The following SCAMP5 variants were observed in gnomAD, a reference collection of about 807,000 sequenced individuals.
The protein encoded by SCAMP5 is secretory carrier-associated membrane protein 5.
SCAMP5 carries 7 observed loss-of-function variants against 28.3 expected under a neutral mutation model. The observed-to-expected ratio is 0.25, with a 90% confidence interval of 0.14 to 0.46. The LOEUF (loss-of-function observed/expected upper bound fraction) is 0.46, where lower values mean the gene tolerates loss of function less well. Ranked by LOEUF, SCAMP5 falls within the 20% of genes least tolerant of loss-of-function variation. SCAMP5 has a pLI of 0.99. For missense variants in SCAMP5, 192 were observed against 312.5 expected (o/e 0.61, Z 2.91); for synonymous variants, 117 against 116.4 (o/e 1.00, Z -0.03).
rs2065655807 is a variant in SCAMP5, at chr15:74,996,532, G to C, written c.-49+859G>C. 6.6e-6 allele frequency among the ~76,000 whole-genome samples: 1 copy of C among 152,180 alleles called. No individual in the cohort carries two copies. Among genetic ancestry groups the C allele is most frequent in the South Asian group, 2.1e-4 (1 of 4,834 alleles). On this transcript the variant is annotated intron_variant, in intron 1 of 6. Coordinates refer to ENST00000425597, the MANE Select transcript of SCAMP5 (RefSeq NM_138967.4). This position sits in a 1 kb window ranked among gnomAD's most constrained non-coding sequence, Gnocchi z 4.1. ...AAGGGAGGCGACAGCTAGCGAATAG[G>C]AGACTTCCAGAGGTGATGGGATTTG...
chr15:75,001,164 C>T (rs1050674860), intron 1 of SCAMP5, among the ~76,000 whole-genome samples: 2 of 149,564 alleles, frequency 1.3e-5, no homozygotes, highest in Non-Finnish European at 3.0e-5. Flanking sequence ...GTCCCAGCTA[C>T]TCGGGAGGCT....
intron 1 of SCAMP5, chr15:75,007,790 C>G (rs1162046189): frequency 2.0e-5 from 3 of 152,236 alleles, no homozygotes; most frequent in Non-Finnish European, 2.9e-5. Context: ...TGGTCTTGAT[C>G]TCTTGACCTG....
At chr15:75,004,747 A>G (rs772658072) in intron 1 of SCAMP5, among the ~76,000 whole-genome samples, 2 of 151,556 alleles carry the variant, frequency 1.3e-5, no homozygotes, top group Non-Finnish European at 2.9e-5. Flanking sequence ...AAAAAAAAAG[A>G]AAGAGAGAAA....
At chr15:75,003,254 G>A (rs533411056) in intron 1 of SCAMP5, among the ~76,000 whole-genome samples, 25 of 152,086 alleles carry the variant, frequency 1.6e-4, no homozygotes, top group Non-Finnish European at 3.4e-4. Flanking sequence ...CTTACTTTTG[G>A]TCAATAAAAT....
chr15:75,018,630 T>G lies in SCAMP5; in HGVS notation c.513+95T>G. 2 of 1,085,226 alleles carry G rather than the reference T, an allele frequency of 1.8e-6. No homozygotes were observed. Among genetic ancestry groups the G allele is most frequent in the South Asian group, 2.5e-5 (2 of 80,532 alleles). The allele number at this position is 1,085,226 out of a possible 1,614,324, so 67.2% of individuals were successfully genotyped here. A position where few individuals can be genotyped will look rare whatever the true frequency, so the allele number is the denominator to read the frequency against. ...CAAGTTGCAAGAGGATCCCGAGGTC[T>G]TCCAAGGGACTCACTCTGGAATGGC... On this transcript the variant is annotated intron_variant, in intron 6 of 6. Transcript: ENST00000425597. The surrounding 1 kb of genome is among the most constrained non-coding windows in gnomAD (Gnocchi z 5.6).
At chr15:74,998,782 C>T (rs1426220412) in intron 1 of SCAMP5, among the ~76,000 whole-genome samples, 1 of 151,984 alleles carries the variant, frequency 6.6e-6, no homozygotes, top group Non-Finnish European at 1.5e-5. Flanking sequence ...TTCTCTCTGC[C>T]CTAACCTTTA....
Position 75,019,742 on chromosome 15 carries a change from A to C in SCAMP5, c.*759A>C, listed in dbSNP as rs2065890374. On this transcript the variant is annotated 3_prime_UTR_variant, in exon 7 of 7. Transcript: ENST00000425597. ...ATCTAATCTGATTTACAGTTCAAGG[A>C]AGCTGATGGGGAGCTGGGCCTTACC... The C allele has an allele frequency of 6.6e-6, 1 of 152,626 alleles. No individual in the cohort carries two copies. Among genetic ancestry groups the C allele is most frequent in the Admixed American group, 6.5e-5 (1 of 15,280 alleles). 9.5% of individuals were successfully genotyped at this position (152,626 alleles called of 1,614,324 possible).
Position 75,002,806 on chromosome 15 carries a change from A to G in SCAMP5, c.-49+7133A>G, listed in dbSNP as rs145988031. 2.9e-3 allele frequency among the ~76,000 whole-genome samples: 434 copies of G among 151,044 alleles called. 2 individuals are homozygous for G. Among genetic ancestry groups the G allele is most frequent in the African/African-American group, 1.0e-2 (409 of 41,054 alleles). ...TGAATAGGTAGTGCATTTATATATG[A>G]TTTACAGTTCACAAAGATGTTCCAA... On this transcript the variant is annotated intron_variant, in intron 1 of 6. Coordinates refer to ENST00000425597, the MANE Select transcript of SCAMP5 (RefSeq NM_138967.4).
intron 1 of SCAMP5, among the ~76,000 whole-genome samples, chr15:74,999,733 C>T (rs35116156): frequency 0.32 from 48,570 of 152,044 alleles, 10,060 homozygotes; most frequent in Non-Finnish European, 0.47. Flanking sequence ...ACCCAGGAGA[C>T]GGAGGTTGCA....
Position 75,021,111 on chromosome 15 carries a change from C to A in SCAMP5, c.*2128C>A, listed in dbSNP as rs538786699. ...TACCTCCAATCAGTTTCCTGTCCTA[C>A]CTGCCTCTTTGGCTTGGACCTATAT... On this transcript the variant is annotated 3_prime_UTR_variant, in exon 7 of 7. Transcript: ENST00000425597. 6.6e-6 allele frequency: 1 copy of A among 152,292 alleles called. No homozygotes were observed. The highest frequency in any genetic ancestry group is 1.5e-5 in the Non-Finnish European group (1 of 68,122). The allele number at this position is 152,292 out of a possible 1,614,324, so 9.4% of individuals were successfully genotyped here.
At chr15:75,009,167 C>T (rs1377005669) in intron 1 of SCAMP5, among the ~76,000 whole-genome samples, 5 of 152,060 alleles carry the variant, frequency 3.3e-5, no homozygotes, top group South Asian at 2.1e-4. Context: ...AAAATAGCTG[C>T]GGAACAGTCC....
chr15:75,013,835 AT>A (rs2065835575), intron 3 of SCAMP5, among the ~76,000 whole-genome samples: 1 of 152,202 alleles, frequency 6.6e-6, no homozygotes. Flanking sequence ...CTCTAAAAAA[AT>A]AATTAAATAA....
chr15:75,003,444 CA>C (rs2065727934), intron 1 of SCAMP5, among the ~76,000 whole-genome samples: 1 of 152,058 alleles, frequency 6.6e-6, no homozygotes, highest in Non-Finnish European at 1.5e-5. Context: ...CATATATTGT[CA>C]AATACAGATA....
rs2065884644 is a variant in SCAMP5 at position 75,019,101 on chromosome 15, G to A, written c.*118G>A. On this transcript the variant is annotated 3_prime_UTR_variant, in exon 7 of 7. Transcript: ENST00000425597. ...CTTCCCTTTTCTCCTTCCCTACTTT[G>A]TACAAAGGACCAGAGTTATATATAT... 1.7e-6 allele frequency: 1 copy of A among 599,620 alleles called. No homozygotes were observed. Among genetic ancestry groups the A allele is most frequent in the East Asian group, 3.2e-5 (1 of 31,014 alleles). The allele number at this position is 599,620 out of a possible 1,614,324, so 37.1% of individuals were successfully genotyped here.
intron 1 of SCAMP5, among the ~76,000 whole-genome samples, chr15:74,998,450 A>G (rs993835565): frequency 8.5e-5 from 13 of 152,116 alleles, no homozygotes; most frequent in African/African-American, 3.1e-4. Flanking sequence ...TAGTAAAAAT[A>G]CAAAAATTAG....
chr15:75,018,664 C>T lies in SCAMP5; in HGVS notation c.514-125C>T. ...ACTCACTCTGGAATGGCCTGCAGGA[C>T]TCTCCTACAGAGGCATTCATGGGGA... On this transcript the variant is annotated intron_variant, in intron 6 of 6. Transcript: ENST00000425597. The surrounding 1 kb of genome is among the most constrained non-coding windows in gnomAD (Gnocchi z 5.6). The T allele has an allele frequency of 2.0e-6, 2 of 1,018,190 alleles. No homozygotes were observed. The highest frequency in any genetic ancestry group is 3.1e-6 in the Non-Finnish European group (2 of 642,598). 63.1% of individuals were successfully genotyped at this position (1,018,190 alleles called of 1,614,324 possible). A position where few individuals can be genotyped will look rare whatever the true frequency, so the allele number is the denominator to read the frequency against.
At chr15:75,009,299 A>G (rs2065789154) in intron 1 of SCAMP5, among the ~76,000 whole-genome samples, 1 of 152,140 alleles carries the variant, frequency 6.6e-6, no homozygotes, top group South Asian at 2.1e-4. Flanking sequence ...TGTCTCTATC[A>G]TACCCTTCTC....
intron 1 of SCAMP5, among the ~76,000 whole-genome samples, chr15:75,009,213 T>C (rs1278030703): frequency 6.6e-6 from 1 of 152,306 alleles, no homozygotes; most frequent in Non-Finnish European, 1.5e-5. Flanking sequence ...CAGTCCCCTA[T>C]TGATGGTTTC....
intron 1 of SCAMP5, among the ~76,000 whole-genome samples, chr15:75,005,730 TC>T (rs1368442091): frequency 7.2e-5 from 11 of 152,306 alleles, no homozygotes; most frequent in Admixed American, 2.6e-4. Flanking sequence ...GTTCTTTCTT[TC>T]TTTCTTTTTT....
Sources: allele counts gnomAD v4.1 joint callset (sites outside exome capture counted in the v4.1 genomes callset), GRCh38; gene constraint gnomAD v4.1.1; non-coding constraint Gnocchi (gnomAD v3.1); transcripts MANE v1.5; gene names NCBI Gene and HGNC (gene_info 2026-07-23, HGNC 2026-07-21).